OR4D10: variants seen among roughly 807,000 people sequenced by gnomAD.
OR4D10 encodes the protein olfactory receptor family 4 subfamily D member 10.
For missense variants in OR4D10, 395 were observed against 378.0 expected, an observed-to-expected ratio of 1.04 and a Z score of -0.37; for synonymous variants, 188 against 153.2, an observed-to-expected ratio of 1.23 and a Z score of -1.68.
At chr11:59,476,115 G>T (rs569476387) in intron 2 of OR4D10, among the ~76,000 whole-genome samples, 2 of 152,218 alleles carry the variant, frequency 1.3e-5, no homozygotes, top group African/African-American at 4.8e-5. Context: ...TTATCTGTGG[G>T]GAGAAATTTT....
In OR4D10 at chr11:59,478,477, T is replaced by C. The variant is rs1858936342; in HGVS notation, c.*112T>C. On this transcript the variant is annotated 3_prime_UTR_variant, in exon 3 of 3. Coordinates refer to ENST00000530162, the MANE Select transcript of OR4D10 (RefSeq NM_001004705.2). ...TTGTCAAACCAACTACACTTAGTAA[T>C]AATTAATTTTTCTATTTATGTTAGT... 1.4e-6 allele frequency: 1 copy of C among 703,488 alleles called. No homozygotes were observed. The highest frequency in any genetic ancestry group is 2.2e-6 in the Non-Finnish European group (1 of 458,436). 43.6% of individuals were successfully genotyped at this position (703,488 alleles called of 1,614,324 possible).
At chr11:59,474,565 C>T (rs552652048) in intron 2 of OR4D10, among the ~76,000 whole-genome samples, 1 of 152,236 alleles carries the variant, frequency 6.6e-6, no homozygotes, top group Admixed American at 6.5e-5. Context: ...TGTGATCCCT[C>T]CACCCTCTAA....
In OR4D10 at chr11:59,478,837, A is replaced by G. The variant is rs1283524026; in HGVS notation, c.*472A>G. 1 of 152,726 alleles carries G rather than the reference A, an allele frequency of 6.5e-6. No homozygotes were observed. Among genetic ancestry groups the G allele is most frequent in the African/African-American group, 2.4e-5 (1 of 41,440 alleles). 9.5% of individuals were successfully genotyped at this position (152,726 alleles called of 1,614,324 possible). A position where few individuals can be genotyped will look rare whatever the true frequency, so the allele number is the denominator to read the frequency against. On this transcript the variant is annotated 3_prime_UTR_variant, in exon 3 of 3. Transcript: ENST00000530162. The stretch of plus-strand genomic sequence containing the variant: ...AAAAGAGAGGGAAAATTGTTAGCAA[A>G]TGTGTATATGATTTTGCAGTCCAAT...
chr11:59,476,035 A>G (rs1417603564), intron 2 of OR4D10, among the ~76,000 whole-genome samples: 1 of 152,216 alleles, frequency 6.6e-6, no homozygotes, highest in Non-Finnish European at 1.5e-5. Flanking sequence ...TCACATCCTA[A>G]GTTCAGTTCC....
rs1482992367 is a variant in OR4D10, at chr11:59,477,282, C to T, written c.-148C>T. On this transcript the variant is annotated 5_prime_UTR_variant, in exon 3 of 3. In the 5' UTR this introduces an upstream ATG that the reference lacks. Coordinates refer to ENST00000530162, the MANE Select transcript of OR4D10 (RefSeq NM_001004705.2). Reference sequence around the variant, plus strand: ...ACCAGACTAACTGAAATCTGAAAAACGTGAACAATGCAACAAACTGCAAAA... The same window carrying T: ...ACCAGACTAACTGAAATCTGAAAAATGTGAACAATGCAACAAACTGCAAAA... The T allele has an allele frequency of 1.2e-5, 6 of 520,760 alleles. No individual in the cohort carries two copies. The highest frequency in any genetic ancestry group is 8.7e-5 in the South Asian group (2 of 22,960). The allele number at this position is 520,760 out of a possible 1,614,324, so 32.3% of individuals were successfully genotyped here.
intron 2 of OR4D10, among the ~76,000 whole-genome samples, chr11:59,475,042 CAG>C (rs1386162117): frequency 9.6e-6 from 1 of 104,048 alleles, no homozygotes; most frequent in Admixed American, 1.4e-4. Flanking sequence ...GCCTGGGTGA[CAG>C]AGTGAGACTC....
intron 2 of OR4D10, among the ~76,000 whole-genome samples, chr11:59,474,734 A>G (rs1321581083): frequency 6.6e-6 from 1 of 152,066 alleles, no homozygotes. Context: ...ATGTAATACT[A>G]GAAGTTCATG....
intron 2 of OR4D10, among the ~76,000 whole-genome samples, 164 bp downstream of exon 2, chr11:59,473,957 G>A (rs997336373): frequency 1.3e-5 from 2 of 152,126 alleles, no homozygotes; most frequent in African/African-American, 4.8e-5. Context: ...TTTCCAGAGC[G>A]GCTTTCTGCC....
rs1193947398 is a variant in OR4D10 at position 59,477,619 on chromosome 11, C to T, written c.190C>T (p.His64Tyr). The T allele has an allele frequency of 5.0e-6, 8 of 1,613,754 alleles. No homozygotes were observed. The highest frequency in any genetic ancestry group is 6.8e-6 in the Non-Finnish European group (8 of 1,179,910). ...RLHTPMYFLL[H>Y]NLSIADICFS... ...TCACACGCCCATGTATTTTTTGCTC[C>T]ATAATTTATCTATTGCCGATATCTG... is the stretch of plus-strand genomic sequence containing the variant. Residue 64 changes from histidine (H) to tyrosine (Y), a missense_variant, in exon 3 of 3, where the codon CAT (histidine) becomes TAT (tyrosine). By Grantham distance (83) the His-to-Tyr change is moderately conservative. Coordinates refer to ENST00000530162, the MANE Select transcript of OR4D10 (RefSeq NM_001004705.2).
Position 59,478,824 on chromosome 11 carries a change from A to T in OR4D10, c.*459A>T, listed in dbSNP as rs1858938888. The T allele has an allele frequency of 6.5e-6, 1 of 152,812 alleles. No homozygotes were observed. Among genetic ancestry groups the T allele is most frequent in the Admixed American group, 6.5e-5 (1 of 15,312 alleles). 9.5% of individuals were successfully genotyped at this position (152,812 alleles called of 1,614,324 possible). Reference sequence around the variant, plus strand: ...CTTTGTGATTCAGAAAAGAGAGGGAAAATTGTTAGCAAATGTGTATATGAT... The same window carrying T: ...CTTTGTGATTCAGAAAAGAGAGGGATAATTGTTAGCAAATGTGTATATGAT... On this transcript the variant is annotated 3_prime_UTR_variant, in exon 3 of 3. Coordinates refer to ENST00000530162, the MANE Select transcript of OR4D10 (RefSeq NM_001004705.2).
Position 59,478,453 on chromosome 11 carries a change from T to C in OR4D10, c.*88T>C. ...GTCATATTCATATATTCAAATATAT[T>C]GTCAAACCAACTACACTTAGTAATA... On this transcript the variant is annotated 3_prime_UTR_variant, in exon 3 of 3. Coordinates refer to ENST00000530162, the MANE Select transcript of OR4D10 (RefSeq NM_001004705.2). 6.5e-6 allele frequency: 6 copies of C among 918,030 alleles called. No individual in the cohort carries two copies. The highest frequency in any genetic ancestry group is 9.5e-6 in the Non-Finnish European group (6 of 634,304). The allele number at this position is 918,030 out of a possible 1,614,324, so 56.9% of individuals were successfully genotyped here.
intron 2 of OR4D10, among the ~76,000 whole-genome samples, chr11:59,474,632 C>A (rs1858880069): frequency 6.6e-6 from 1 of 152,108 alleles, no homozygotes; most frequent in African/African-American, 2.4e-5. Context: ...GTATCCGCTG[C>A]CTCCCAGAAA....
intron 2 of OR4D10, among the ~76,000 whole-genome samples, chr11:59,476,118 G>A (rs188273080): frequency 1.3e-5 from 2 of 152,316 alleles, no homozygotes; most frequent in East Asian, 3.9e-4. Flanking sequence ...TCTGTGGGGA[G>A]AAATTTTTTT....
In OR4D10 at chr11:59,478,636, T is replaced by G; in HGVS notation, c.*271T>G. 1 of 314,848 alleles carries G rather than the reference T, an allele frequency of 3.2e-6. No homozygotes were observed. Among genetic ancestry groups the G allele is most frequent in the East Asian group, 5.3e-5 (1 of 18,864 alleles). The allele number at this position is 314,848 out of a possible 1,614,324, so 19.5% of individuals were successfully genotyped here. A position where few individuals can be genotyped will look rare whatever the true frequency, so the allele number is the denominator to read the frequency against. On this transcript the variant is annotated 3_prime_UTR_variant, in exon 3 of 3. Coordinates refer to ENST00000530162, the MANE Select transcript of OR4D10 (RefSeq NM_001004705.2). ...CATGGACTCCAAGTTCTGAAAGTGT[T>G]GCCTGCTGAATTGAATATATTTATT...
intron 2 of OR4D10, 27 bp from the exon 3 acceptor site, chr11:59,477,234 AC>A (rs1858916854): frequency 2.1e-6 from 1 of 483,014 alleles, no homozygotes; most frequent in African/African-American, 1.9e-5. Flanking sequence ...GAATGACTTT[AC>A]ATATGATAAT....
Position 59,478,404 on chromosome 11 carries a change from T to G in OR4D10, c.*39T>G, listed in dbSNP as rs780588332. On this transcript the variant is annotated 3_prime_UTR_variant, in exon 3 of 3. Transcript: ENST00000530162. ...CAGCTCTTCATCACCAAAGATATCTTATATTTATTATTTTTCCCATGAAGT... is the reference window on the plus strand; with the variant it reads ...CAGCTCTTCATCACCAAAGATATCTGATATTTATTATTTTTCCCATGAAGT... 9.9e-6 allele frequency: 13 copies of G among 1,318,464 alleles called. No individual in the cohort carries two copies. The highest frequency in any genetic ancestry group is 1.3e-5 in the Non-Finnish European group (13 of 977,774). The allele number at this position is 1,318,464 out of a possible 1,614,324, so 81.7% of individuals were successfully genotyped here.
intron 2 of OR4D10, among the ~76,000 whole-genome samples, chr11:59,475,664 G>C (rs1483050780): frequency 1.3e-5 from 2 of 152,192 alleles, no homozygotes; most frequent in African/African-American, 4.8e-5. Context: ...ATTACAAAAT[G>C]TGTGCCGAAG....
rs1400374291 is a variant in OR4D10, at chr11:59,478,751, T to C, written c.*386T>C. 6.4e-6 allele frequency: 1 copy of C among 155,542 alleles called. No individual in the cohort carries two copies. Among genetic ancestry groups the C allele is most frequent in the Non-Finnish European group, 1.4e-5 (1 of 70,508 alleles). 9.6% of individuals were successfully genotyped at this position (155,542 alleles called of 1,614,324 possible). A position where few individuals can be genotyped will look rare whatever the true frequency, so the allele number is the denominator to read the frequency against. ...AAATGCATATTATATATAGTAAATCTTCTTATCTGCATTTAGTTGACATAA... is the reference window on the plus strand; with the variant it reads ...AAATGCATATTATATATAGTAAATCCTCTTATCTGCATTTAGTTGACATAA... On this transcript the variant is annotated 3_prime_UTR_variant, in exon 3 of 3. Transcript: ENST00000530162.
At chr11:59,476,670 T>C (rs970170615) in intron 2 of OR4D10, among the ~76,000 whole-genome samples, 2 of 152,114 alleles carry the variant, frequency 1.3e-5, no homozygotes, top group Non-Finnish European at 2.9e-5. Flanking sequence ...CAACTGTTAT[T>C]ACCCACACAG....
Sources: allele counts gnomAD v4.1 joint callset (sites outside exome capture counted in the v4.1 genomes callset), GRCh38; gene constraint gnomAD v4.1.1; transcripts MANE v1.5; gene names NCBI Gene and HGNC (gene_info 2026-07-23, HGNC 2026-07-21).